Variants in NRG3 observed in about 807,000 individuals in gnomAD.
NRG3 encodes the protein pro-neuregulin-3, membrane-bound isoform.
Under a neutral mutation model 66.9 loss-of-function variants are expected in NRG3, and 31 were observed. The ratio of observed to expected loss-of-function variants is 0.46; its 90% CI spans 0.35 to 0.63. NRG3 has a LOEUF of 0.63. Among genes scored for constraint, NRG3 ranks in the 20% least tolerant of loss-of-function variants. The probability of loss-of-function intolerance (pLI) is 0.00; values close to 1 mark genes in which losing one functional copy is unlikely to be tolerated. For synonymous variants in NRG3, 393 were observed against 359.4 expected, an observed-to-expected ratio of 1.09 and a Z score of -1.06; for missense variants, 910 against 878.9, an observed-to-expected ratio of 1.04 and a Z score of -0.45.
intron 3 of NRG3, among the ~76,000 whole-genome samples, chr10:82,789,190 A>G (rs755105963): frequency 1.3e-5 from 2 of 152,128 alleles, no homozygotes; most frequent in Non-Finnish European, 2.9e-5. Flanking sequence ...TCATTATAAT[A>G]TTCAAGAAAT....
At chr10:82,921,515 A>G (rs1428421514) in intron 4 of NRG3, among the ~76,000 whole-genome samples, 1 of 152,178 alleles carries the variant, frequency 6.6e-6, no homozygotes, top group Non-Finnish European at 1.5e-5. Flanking sequence ...TAAGATGTTG[A>G]TAGGTGAAAC....
chr10:82,342,559 G>T (rs953752151), intron 1 of NRG3, among the ~76,000 whole-genome samples: 1 of 151,924 alleles, frequency 6.6e-6, no homozygotes, highest in Non-Finnish European at 1.5e-5. Context: ...TTGGTTGCTT[G>T]TATGTTTTCT....
chr10:82,745,996 A>G (rs1267356678), intron 3 of NRG3, among the ~76,000 whole-genome samples: 1 of 152,044 alleles, frequency 6.6e-6, no homozygotes, highest in Non-Finnish European at 1.5e-5. Flanking sequence ...GGCTCAAGTG[A>G]GCTTGCCTCA....
intron 1 of NRG3, among the ~76,000 whole-genome samples, chr10:81,989,205 T>C (rs1374002408): frequency 3.3e-5 from 5 of 152,154 alleles, no homozygotes; most frequent in African/African-American, 4.8e-5. Context: ...AGAGTTTTTT[T>C]GGATTGTGGA....
intron 5 of NRG3, among the ~76,000 whole-genome samples, chr10:82,953,420 A>G (rs1430596502): frequency 1.3e-5 from 2 of 151,988 alleles, no homozygotes; most frequent in Admixed American, 1.3e-4. Flanking sequence ...CTTCTGCTAG[A>G]TGGTGGAGCT....
At chr10:82,527,320 A>C (rs562781282) in intron 2 of NRG3, among the ~76,000 whole-genome samples, 2,641 of 130,674 alleles carry the variant, frequency 0.02, 33 homozygotes, top group Middle Eastern at 0.072. Flanking sequence ...ATTAAAAAAA[A>C]AAATATTAGT....
At chr10:81,935,963 G>A (rs1847825704) in intron 1 of NRG3, among the ~76,000 whole-genome samples, 2 of 151,230 alleles carry the variant, frequency 1.3e-5, no homozygotes, top group Non-Finnish European at 2.9e-5. Context: ...TCAGCTCTCT[G>A]GGGGGAAGGA....
intron 1 of NRG3, among the ~76,000 whole-genome samples, chr10:81,961,191 C>T (rs1463155951): frequency 1.3e-5 from 2 of 152,150 alleles, no homozygotes; most frequent in African/African-American, 4.8e-5. Context: ...ATTTAATACA[C>T]ATCATGAATA....
intron 2 of NRG3, among the ~76,000 whole-genome samples, chr10:82,673,236 C>T (rs2053428441): frequency 6.6e-6 from 1 of 152,208 alleles, no homozygotes; most frequent in African/African-American, 2.4e-5. Context: ...AGGCTTTAGC[C>T]TCCCTTGACT....
At chr10:81,877,729 C>A in intron 1 of NRG3, 2 of 1,359,556 alleles carry the variant, frequency 1.5e-6, no homozygotes, top group Non-Finnish European at 1.9e-6. Context: ...ACCAGAATGG[C>A]AGTAGAGCCA....
chr10:82,917,745 T>A (rs1037807378), intron 4 of NRG3, among the ~76,000 whole-genome samples: 2 of 151,864 alleles, frequency 1.3e-5, no homozygotes, highest in African/African-American at 4.8e-5. Flanking sequence ...TGCCTAGAAG[T>A]CTTGGAGCTA....
intron 1 of NRG3, among the ~76,000 whole-genome samples, chr10:82,285,557 G>A (rs1589592423): frequency 6.6e-6 from 1 of 152,266 alleles, no homozygotes; most frequent in East Asian, 1.9e-4. Flanking sequence ...AGATGGAAGG[G>A]ATAGGTATTA....
chr10:82,474,151 G>A (rs570881996), intron 2 of NRG3, among the ~76,000 whole-genome samples: 34 of 151,910 alleles, frequency 2.2e-4, no homozygotes, highest in Admixed American at 3.9e-4. Context: ...CTGGAGAGGT[G>A]TCTGTGTCTG....
At chr10:82,015,185 A>T (rs914157262) in intron 1 of NRG3, among the ~76,000 whole-genome samples, 2 of 152,202 alleles carry the variant, frequency 1.3e-5, no homozygotes, top group Non-Finnish European at 2.9e-5. Flanking sequence ...GCGCAAATGT[A>T]AAAATTCTTA....
At chr10:82,000,505 T>C (rs1260759932) in intron 1 of NRG3, among the ~76,000 whole-genome samples, 2 of 152,178 alleles carry the variant, frequency 1.3e-5, no homozygotes, top group African/African-American at 2.4e-5. Context: ...AGCAGGGTCA[T>C]GTATCACCCT....
At chr10:81,915,505 T>TTTTTTTTTTTTTTTTTC (rs1564654214) in intron 1 of NRG3, among the ~76,000 whole-genome samples, 1 of 151,374 alleles carries the variant, frequency 6.6e-6, no homozygotes, top group African/African-American at 2.4e-5. Context: ...AGTTTTTTTT[T>TTTTTTTTTTTTTTTTTC]TTTTTGCCAA....
intron 2 of NRG3, among the ~76,000 whole-genome samples, chr10:82,531,872 G>T (rs1847305733): frequency 6.6e-6 from 1 of 151,694 alleles, no homozygotes; most frequent in Non-Finnish European, 1.5e-5. Context: ...TTGACTAGTG[G>T]TACACTGTTG....
chr10:82,022,656 G>A (rs1029879403), intron 1 of NRG3, among the ~76,000 whole-genome samples: 2 of 152,014 alleles, frequency 1.3e-5, no homozygotes, highest in African/African-American at 4.8e-5. Flanking sequence ...GGGGAAGAAA[G>A]TCATAAAATC....
chr10:82,657,651 G>A (rs1247002998), intron 2 of NRG3, among the ~76,000 whole-genome samples: 55 of 149,592 alleles, frequency 3.7e-4, no homozygotes, highest in Non-Finnish European at 5.8e-4. Flanking sequence ...CAAGAAAAAA[G>A]GAAAAAAAAA....
Sources: gnomAD v4.1 joint callset for allele counts (sites outside exome capture counted in the v4.1 genomes callset) on GRCh38, gnomAD v4.1.1 for gene constraint, MANE v1.5 for transcripts, NCBI Gene and HGNC (gene_info 2026-07-23, HGNC 2026-07-21) for gene names.